The following POU2F3 variants were observed in gnomAD, a reference collection of about 807,000 sequenced individuals.
The protein encoded by POU2F3 is POU domain, class 2, transcription factor 3.
POU2F3 carries 23 observed loss-of-function variants against 59.2 expected under a neutral mutation model. The ratio of observed to expected loss-of-function variants is 0.39; its 90% CI spans 0.28 to 0.55. POU2F3 has a LOEUF of 0.55. Among genes scored for constraint, POU2F3 ranks in the 20% least tolerant of loss-of-function variants. The pLI is 0.66. For synonymous variants in POU2F3, 190 were observed against 214.6 expected (o/e 0.89, Z 1.00); for missense variants, 473 against 544.5 (o/e 0.87, Z 1.31).
chr11:120,269,359 C>A, intron 3 of POU2F3, 115 bp downstream of exon 3: 3 of 875,078 alleles, frequency 3.4e-6, no homozygotes, highest in South Asian at 1.6e-5. Flanking sequence ...TATTCACAAA[C>A]CCCAACCTTT....
chr11:120,269,170 C>A (rs1232820071), intron 2 of POU2F3, 40 bp from the exon 3 acceptor site: 2 of 1,511,118 alleles, frequency 1.3e-6, no homozygotes, highest in Non-Finnish European at 1.8e-6. Context: ...TCTTCCAAAC[C>A]TGCTACCAAC....
chr11:120,255,443 G>C (rs1454339397), intron 2 of POU2F3, among the ~76,000 whole-genome samples: 3 of 152,122 alleles, frequency 2.0e-5, no homozygotes, highest in Non-Finnish European at 4.4e-5. Context: ...ATTTGCATAG[G>C]GCGATGATTT....
chr11:120,294,502 C>A (rs1002222393), intron 3 of POU2F3, among the ~76,000 whole-genome samples: 4 of 152,184 alleles, frequency 2.6e-5, no homozygotes, highest in African/African-American at 9.7e-5. Flanking sequence ...TCCAATTTGC[C>A]TCCGGTTCTC....
At chr11:120,282,835 A>T (rs184057543) in intron 3 of POU2F3, among the ~76,000 whole-genome samples, 4 of 152,328 alleles carry the variant, frequency 2.6e-5, no homozygotes, top group Admixed American at 2.6e-4. Flanking sequence ...TGTGATCCTA[A>T]CAAGAAATTT....
chr11:120,246,317 G>T, intron 1 of POU2F3, 132 bp from the exon 2 acceptor site: 1 of 931,998 alleles, frequency 1.1e-6, no homozygotes, highest in Non-Finnish European at 1.7e-6. Flanking sequence ...TTGTATGTTC[G>T]GGAATCAGGA....
chr11:120,317,134 T>A, intron 11 of POU2F3, 95 bp from the exon 12 acceptor site: 1 of 1,468,472 alleles, frequency 6.8e-7, no homozygotes, highest in Non-Finnish European at 9.4e-7. Flanking sequence ...CCTTTGGGGA[T>A]ACACCAGGAA....
intron 3 of POU2F3, among the ~76,000 whole-genome samples, chr11:120,279,391 C>T (rs181052187): frequency 1.3e-5 from 2 of 152,102 alleles, no homozygotes; most frequent in Admixed American, 6.6e-5. Context: ...TATACAATAA[C>T]GCACCAATAA....
chr11:120,238,395 C>T (rs1161395620), upstream of POU2F3, among the ~76,000 whole-genome samples: 5 of 152,056 alleles, frequency 3.3e-5, no homozygotes, highest in Non-Finnish European at 7.4e-5. Flanking sequence ...CACTGTAGCA[C>T]CCACAGAACA....
upstream of POU2F3, chr11:120,236,751 A>G (rs1462076436): frequency 4.9e-6 from 7 of 1,424,124 alleles, no homozygotes; most frequent in Admixed American, 2.0e-5. Flanking sequence ...ATCTAACTGA[A>G]ATGATCAGTG....
intron 3 of POU2F3, among the ~76,000 whole-genome samples, chr11:120,281,602 A>T (rs1940573242): frequency 6.6e-6 from 1 of 151,842 alleles, no homozygotes; most frequent in African/African-American, 2.4e-5. Flanking sequence ...GCTGAAGATA[A>T]CTTAGTTCAC....
At chr11:120,307,686 C>A (rs1158873367) in intron 9 of POU2F3, 71 bp downstream of exon 9, 2 of 1,580,846 alleles carry the variant, frequency 1.3e-6, no homozygotes, top group Non-Finnish European at 1.7e-6. Flanking sequence ...ACGGCCCAGG[C>A]CCCTTGGCAC....
intron 2 of POU2F3, among the ~76,000 whole-genome samples, chr11:120,250,758 T>C (rs1272554686): frequency 1.3e-5 from 2 of 152,094 alleles, no homozygotes; most frequent in African/African-American, 4.8e-5. Context: ...GGCGAATCAC[T>C]TGAGGTCAGG....
At chr11:120,276,434 C>T (rs920486151) in intron 3 of POU2F3, among the ~76,000 whole-genome samples, 8 of 152,068 alleles carry the variant, frequency 5.3e-5, no homozygotes, top group Non-Finnish European at 7.4e-5. Context: ...TGGAGGGAGG[C>T]TCCGAGACCT....
At chr11:120,250,785 G>A (rs1417485623) in intron 2 of POU2F3, among the ~76,000 whole-genome samples, 1 of 152,120 alleles carries the variant, frequency 6.6e-6, no homozygotes, top group Non-Finnish European at 1.5e-5. Flanking sequence ...AGACCAACCT[G>A]GACAACATGG....
At chr11:120,292,043 C>T (rs969793675) in intron 3 of POU2F3, among the ~76,000 whole-genome samples, 1 of 152,086 alleles carries the variant, frequency 6.6e-6, no homozygotes, top group South Asian at 2.1e-4. Flanking sequence ...CTCCTGACCT[C>T]GTGATCCACC....
Position 120,302,267 on chromosome 11 carries a change from T to A in POU2F3, c.362-19T>A. On this transcript the variant is annotated intron_variant, in intron 5 of 12. Coordinates refer to ENST00000543440, the MANE Select transcript of POU2F3 (RefSeq NM_014352.4). ...TGGATTTTATTTGTCTGTTCCTTTGTCCCTCCCCTTTCACCCAGGTCTGCA... is the reference window on the plus strand; with the variant it reads ...TGGATTTTATTTGTCTGTTCCTTTGACCCTCCCCTTTCACCCAGGTCTGCA... 6.4e-7 allele frequency: 1 copy of A among 1,567,768 alleles called. No homozygotes were observed. Among genetic ancestry groups the A allele is most frequent in the Non-Finnish European group, 8.8e-7 (1 of 1,138,424 alleles).
intron 4 of POU2F3, 68 bp from the exon 5 acceptor site, chr11:120,299,556 G>A: frequency 7.0e-7 from 1 of 1,425,454 alleles, no homozygotes; most frequent in Non-Finnish European, 9.7e-7. Context: ...CGGACGAGTG[G>A]CAGGCAGATG....
chr11:120,291,453 G>C (rs896986172), intron 3 of POU2F3, among the ~76,000 whole-genome samples: 1 of 152,200 alleles, frequency 6.6e-6, no homozygotes, highest in Non-Finnish European at 1.5e-5. Context: ...AAATGAACCA[G>C]GTGATGTCTA....
At chr11:120,278,061 T>A (rs1940407630) in intron 3 of POU2F3, among the ~76,000 whole-genome samples, 1 of 152,194 alleles carries the variant, frequency 6.6e-6, no homozygotes, top group Non-Finnish European at 1.5e-5. Context: ...AATCTAATAC[T>A]TCCTCAATTA....
Sources: allele counts gnomAD v4.1 joint callset (sites outside exome capture counted in the v4.1 genomes callset), GRCh38; gene constraint gnomAD v4.1.1; transcripts MANE v1.5; gene names NCBI Gene and HGNC (gene_info 2026-07-23, HGNC 2026-07-21).